TPCN2: variants seen among roughly 807,000 people sequenced by gnomAD.
The protein encoded by TPCN2 is two pore channel protein 2.
In TPCN2, 92 loss-of-function variants were observed where a neutral mutation model predicts 111.4. The observed-to-expected ratio is 0.83, with a 90% confidence interval of 0.70 to 0.98. TPCN2 has a LOEUF of 0.98. Among genes scored for constraint, TPCN2 ranks in the 50% least tolerant of loss-of-function variants. TPCN2 has a pLI of 0.00. For synonymous variants in TPCN2, 405 were observed against 414.5 expected (o/e 0.98, Z 0.28); for missense variants, 995 against 980.1 (o/e 1.02, Z -0.20).
chr11:69,082,493 G>A (rs1040333707), intron 18 of TPCN2, among the ~76,000 whole-genome samples: 4 of 152,300 alleles, frequency 2.6e-5, no homozygotes, highest in African/African-American at 4.8e-5. Context: ...ACTCATGTCC[G>A]TGTAAGACGC....
chr11:69,084,577 G>C lies in TPCN2; in HGVS notation c.1761+561G>C, dbSNP rs910720873. On this transcript the variant is annotated intron_variant, in intron 19 of 24. Coordinates refer to ENST00000294309, the MANE Select transcript of TPCN2 (RefSeq NM_139075.4). ...CAGGAGAGGGGCCTGTGACCAGGCA[G>C]GCCCCAGATCCGCGCCGTGCAGAGT... 3.0e-6 allele frequency: 3 copies of C among 985,316 alleles called. No homozygotes were observed. The African/African-American group carries it at 5.2e-5, about 17-fold the overall frequency. 61.0% of individuals were successfully genotyped at this position (985,316 alleles called of 1,614,324 possible).
Position 69,078,545 on chromosome 11 carries a change from T to G in TPCN2, c.1294T>G (p.Tyr432Asp). The G allele has an allele frequency of 6.2e-7, 1 of 1,614,108 alleles. No individual in the cohort carries two copies. Among genetic ancestry groups the G allele is most frequent in the East Asian group, 2.2e-5 (1 of 44,882 alleles). ...GAGCGCCCAGTTCCTCTTCGGCCACTACTACTTTGACTACCTGGGGAACCT... is the reference window on the plus strand; with the variant it reads ...GAGCGCCCAGTTCCTCTTCGGCCACGACTACTTTGACTACCTGGGGAACCT... ...LQSAQFLFGH[Y>D]YFDYLGNLIA... is the part of the protein sequence containing the mutation. Residue 432 changes from tyrosine to aspartate, a missense_variant, in exon 14 of 25, where the codon TAC (tyrosine) becomes GAC (aspartate). Tyr to Asp is a radical substitution (Grantham distance 160, BLOSUM62 -3). Transcript: ENST00000294309.
chr11:69,070,022 CTTTCT>C (rs1855451794), intron 8 of TPCN2, among the ~76,000 whole-genome samples: 2 of 125,720 alleles, frequency 1.6e-5, no homozygotes, highest in South Asian at 2.2e-4. Context: ...TTTTTTCTTT[CTTTCT>C]TTTTTTTTTT....
chr11:69,083,740 T>C (rs778448351), intron 18 of TPCN2, among the ~76,000 whole-genome samples: 1 of 151,920 alleles, frequency 6.6e-6, no homozygotes, highest in Non-Finnish European at 1.5e-5. Flanking sequence ...CGAGGGTGTG[T>C]ATGGGTGGAC....
chr11:69,076,150 G>A (rs965960178), intron 13 of TPCN2, among the ~76,000 whole-genome samples: 3 of 152,172 alleles, frequency 2.0e-5, no homozygotes, highest in African/African-American at 4.8e-5. Context: ...GATGGACCTG[G>A]AAGGGGACCC....
intron 18 of TPCN2, among the ~76,000 whole-genome samples, chr11:69,082,740 C>T (rs1322050359): frequency 1.8e-5 from 1 of 56,940 alleles, no homozygotes; most frequent in Non-Finnish European, 3.7e-5. Context: ...AACTCGTGCC[C>T]GTGTAAGACG....
chr11:69,070,589 A>G lies in TPCN2; in HGVS notation c.895+94A>G, dbSNP rs150431063. 2.9e-3 allele frequency: 2,883 copies of G among 979,532 alleles called. 8 individuals carry two copies. The highest frequency in any genetic ancestry group is 3.8e-3 in the Non-Finnish European group (2,485 of 654,016). The allele number at this position is 979,532 out of a possible 1,614,324, so 60.7% of individuals were successfully genotyped here. ...CTGCCTCCACGACCTGAAACTTCAC[A>G]TCCGTGTTTTTCACTCCAGAGATCA... On this transcript the variant is annotated intron_variant, in intron 9 of 24. Transcript: ENST00000294309.
chr11:69,074,261 C>T (rs1009135193), intron 13 of TPCN2, among the ~76,000 whole-genome samples: 13 of 152,210 alleles, frequency 8.5e-5, no homozygotes, highest in Admixed American at 1.3e-4. Flanking sequence ...GCCACGCACT[C>T]GTCCCCATCC....
intron 1 of TPCN2, among the ~76,000 whole-genome samples, chr11:69,050,787 G>A (rs938991110): frequency 6.6e-6 from 1 of 152,260 alleles, no homozygotes; most frequent in East Asian, 1.9e-4. Context: ...CACAGGGCCC[G>A]GCGGGCTGGT....
rs760543267 is a variant in TPCN2 at position 69,071,325 on chromosome 11, C to T, written c.896-31C>T. 8.1e-6 allele frequency: 13 copies of T among 1,598,660 alleles called. No individual in the cohort carries two copies. The East Asian group carries it at 8.9e-5, about 11-fold the overall frequency. On this transcript the variant is annotated intron_variant, in intron 9 of 24. Coordinates refer to ENST00000294309, the MANE Select transcript of TPCN2 (RefSeq NM_139075.4). ...GTTGGTTTTGCTGCTGTACTGGTGG[C>T]GCCCCTGACCGTGGCTGTCTCCTCT...
chr11:69,086,434 G>A, intron 22 of TPCN2, 89 bp from the exon 23 acceptor site: 4 of 1,087,348 alleles, frequency 3.7e-6, no homozygotes, highest in Non-Finnish European at 5.7e-6. Flanking sequence ...CTGCCCGAGA[G>A]CTGTCCTGGC....
rs1172716654 is a variant in TPCN2, at chr11:69,089,439, G to A, written c.*1486G>A. ...TCGCACGTGGCTTTGTGGTCATGGCGACTTAATCCGCCTGGACGGTGGCTC... is the reference window on the plus strand; with the variant it reads ...TCGCACGTGGCTTTGTGGTCATGGCAACTTAATCCGCCTGGACGGTGGCTC... On this transcript the variant is annotated 3_prime_UTR_variant, in exon 25 of 25. Transcript: ENST00000294309. 1.3e-5 allele frequency: 2 copies of A among 152,238 alleles called. No individual in the cohort carries two copies. Among genetic ancestry groups the A allele is most frequent in the Non-Finnish European group, 2.9e-5 (2 of 68,056 alleles). 9.4% of individuals were successfully genotyped at this position (152,238 alleles called of 1,614,324 possible).
Position 69,084,017 on chromosome 11 carries a change from G to A in TPCN2, c.1761+1G>A. 6.2e-7 allele frequency: 1 copy of A among 1,614,086 alleles called. No individual in the cohort carries two copies. The highest frequency in any genetic ancestry group is 8.5e-7 in the Non-Finnish European group (1 of 1,179,948). ...GCGTGCGTTTGGCGGGATCCTGGTG[G>A]TGAGTCCCAGGCTGCTGCTGGTGGC... On this transcript the variant is annotated splice_donor_variant, in intron 19 of 24. Coordinates refer to ENST00000294309, the MANE Select transcript of TPCN2 (RefSeq NM_139075.4). LOFTEE classifies it high-confidence loss of function.
intron 14 of TPCN2, 64 bp downstream of exon 14, chr11:69,078,665 G>A (rs1260027442): frequency 1.9e-6 from 3 of 1,613,220 alleles, no homozygotes; most frequent in African/African-American, 2.7e-5. Flanking sequence ...TTGCAGGGGA[G>A]CCTGCCCCTC....
At chr11:69,054,480 G>C in intron 2 of TPCN2, 1 of 573,048 alleles carries the variant, frequency 1.7e-6, no homozygotes, top group Non-Finnish European at 3.1e-6. Context: ...TTCCCTGAGT[G>C]TTTGCTCACG....
In TPCN2 at chr11:69,070,443, G is replaced by C; in HGVS notation, c.843G>C (p.Ala281=). 1 of 1,612,418 alleles carries C rather than the reference G, an allele frequency of 6.2e-7. No homozygotes were observed. The change falls in exon 9 of 25, where the codon GCG becomes GCC. Residue 281 remains alanine, a synonymous_variant. Transcript: ENST00000294309. ...TANNPDVMIP[A]YSKNRAYAIF... ...TTTTTCTTTTAGTGATGATTCCTGC[G>C]TATTCCAAGAACCGGGCCTATGCCA...
chr11:69,086,688 C>A, intron 23 of TPCN2, 84 bp downstream of exon 23: 1 of 1,372,240 alleles, frequency 7.3e-7, no homozygotes, highest in Non-Finnish European at 1.0e-6. Context: ...ACCGGCCGGG[C>A]CTGCCTGGAA....
intron 5 of TPCN2, among the ~76,000 whole-genome samples, chr11:69,062,497 C>G (rs1325248998): frequency 1.3e-5 from 2 of 151,868 alleles, no homozygotes; most frequent in Admixed American, 6.6e-5. Flanking sequence ...GGGGATGGTA[C>G]CCTGAGAAGC....
In TPCN2 at chr11:69,087,899, G is replaced by C; in HGVS notation, c.2205G>C (p.Glu735Asp). 6.2e-7 allele frequency: 1 copy of C among 1,612,684 alleles called. No individual in the cohort carries two copies. The highest frequency in any genetic ancestry group is 1.1e-5 in the South Asian group (1 of 90,908). ...LFRDILEEPG[E>D]DELTERLSQH... ...GGGATATTCTGGAGGAGCCCGGGGA[G>C]GATGAGCTCACAGAGAGGCTGAGCC... Residue 735 changes from glutamate (E) to aspartate (D), a missense_variant, in exon 25 of 25, where the codon GAG becomes GAC. Glu to Asp is a conservative substitution (Grantham distance 45). Transcript: ENST00000294309.
Sources: gnomAD v4.1 joint callset for allele counts (sites outside exome capture counted in the v4.1 genomes callset) on GRCh38, gnomAD v4.1.1 for gene constraint, MANE v1.5 for transcripts, NCBI Gene and HGNC (gene_info 2026-07-23, HGNC 2026-07-21) for gene names.